Variants in ERBB4 observed in about 807,000 individuals in gnomAD.
ERBB4 encodes the protein receptor tyrosine-protein kinase erbB-4.
A neutral mutation model predicts 158.0 loss-of-function variants in ERBB4; 42 were observed. That is an observed-to-expected ratio of 0.27 (90% CI 0.21 to 0.34). The LOEUF (loss-of-function observed/expected upper bound fraction) is 0.34. ERBB4 is among the 10% of genes least tolerant of loss of function. The pLI is 1.00. For missense variants in ERBB4, 1,333 were observed against 1,624.1 expected (o/e 0.82, Z 3.08); for synonymous variants, 583 against 558.7 (o/e 1.04, Z -0.61).
At chr2:212,023,243 ATTACT>A (rs780149022) in intron 2 of ERBB4, among the ~76,000 whole-genome samples, 74 of 152,226 alleles carry the variant, frequency 4.9e-4, no homozygotes, top group Middle Eastern at 3.4e-3. Context: ...AAACTTTGAA[ATTACT>A]TTACTACATA....
At chr2:211,435,993 G>C (rs112191894) in intron 20 of ERBB4, among the ~76,000 whole-genome samples, 2,130 of 151,836 alleles carry the variant, frequency 0.014, 53 homozygotes, top group African/African-American at 0.049. Flanking sequence ...GTCTAGCTCT[G>C]TCATCCAGGC....
intron 14 of ERBB4, among the ~76,000 whole-genome samples, chr2:211,665,871 C>A (rs1166008589): frequency 6.6e-6 from 1 of 152,076 alleles, no homozygotes; most frequent in Non-Finnish European, 1.5e-5. Flanking sequence ...TTATTTCTGG[C>A]AATATTATAG....
chr2:211,675,791 AT>A (rs1553607851), intron 13 of ERBB4, among the ~76,000 whole-genome samples: 1 of 100,372 alleles, frequency 1.0e-5, no homozygotes, highest in Non-Finnish European at 2.0e-5. Flanking sequence ...AAAATATAAT[AT>A]TATATATATA....
chr2:212,250,538 G>A (rs2084491549), intron 1 of ERBB4, among the ~76,000 whole-genome samples: 1 of 151,864 alleles, frequency 6.6e-6, no homozygotes, highest in Non-Finnish European at 1.5e-5. Flanking sequence ...ATTGAGTAAT[G>A]AAATTATATT....
chr2:212,054,861 C>G (rs1292958677), intron 2 of ERBB4, among the ~76,000 whole-genome samples: 1 of 152,156 alleles, frequency 6.6e-6, no homozygotes, highest in Non-Finnish European at 1.5e-5. Flanking sequence ...GAGTCTACAG[C>G]TCCCAGCGTG....
intron 15 of ERBB4, among the ~76,000 whole-genome samples, chr2:211,663,679 C>T (rs1377089124): frequency 1.3e-5 from 2 of 152,062 alleles, no homozygotes; most frequent in Non-Finnish European, 2.9e-5. Context: ...TGTGATCTCA[C>T]TTTCATTTCT....
intron 3 of ERBB4, among the ~76,000 whole-genome samples, chr2:211,823,414 G>A (rs1417815753): frequency 6.6e-6 from 1 of 151,754 alleles, no homozygotes; most frequent in African/African-American, 2.4e-5. Context: ...ATCTCTTAGA[G>A]ACAGAATTTT....
chr2:211,619,092 G>A (rs2069496703), intron 19 of ERBB4, 85 bp downstream of exon 19: 1 of 795,242 alleles, frequency 1.3e-6, no homozygotes, highest in South Asian at 1.4e-5. Flanking sequence ...GTAAGTTGTG[G>A]AGTTTGGTTT....
chr2:211,718,808 C>G (rs2074005099), intron 7 of ERBB4, among the ~76,000 whole-genome samples: 1 of 151,714 alleles, frequency 6.6e-6, no homozygotes, highest in African/African-American at 2.4e-5. Flanking sequence ...GTAGAATGAC[C>G]AGAATACCTC....
At chr2:212,101,616 C>T (rs1363675548) in intron 2 of ERBB4, among the ~76,000 whole-genome samples, 2 of 151,702 alleles carry the variant, frequency 1.3e-5, no homozygotes, top group East Asian at 3.9e-4. Flanking sequence ...AAGTTGAAAA[C>T]GCTCTTATCA....
At chr2:212,104,546 T>G (rs778000286) in intron 2 of ERBB4, among the ~76,000 whole-genome samples, 10 of 152,082 alleles carry the variant, frequency 6.6e-5, no homozygotes, top group Non-Finnish European at 1.5e-4. Context: ...ATTGGGTCAT[T>G]ACAACCAAAA....
At chr2:212,195,023 T>C (rs2082381965) in intron 1 of ERBB4, among the ~76,000 whole-genome samples, 1 of 152,050 alleles carries the variant, frequency 6.6e-6, no homozygotes, top group Admixed American at 6.6e-5. Flanking sequence ...ATTGCCCTCA[T>C]GCTACTTTGA....
rs79147713 is a variant in ERBB4, at chr2:211,934,782, T to C, written c.421+12648A>G. Among the ~76,000 whole-genome samples the C allele has an allele frequency of 9.8e-3, 1,495 of 152,026 alleles. 26 individuals carry two copies. The highest frequency in any genetic ancestry group is 0.034 in the African/African-American group (1,430 of 41,500). The stretch of plus-strand genomic sequence containing the variant: ...TATACTTTATTATTTTAGTTCCCTG[T>C]GTCTGTAGAAATAAGCTTAAGTAGC... On this transcript the variant is annotated intron_variant, in intron 3 of 27. Coordinates refer to ENST00000342788, the MANE Select transcript of ERBB4 (RefSeq NM_005235.3).
intron 1 of ERBB4, among the ~76,000 whole-genome samples, chr2:212,349,743 T>C (rs2135160): frequency 0.082 from 12,493 of 152,192 alleles, 612 homozygotes; most frequent in Middle Eastern, 0.12. Context: ...AGTTATCCCG[T>C]AGTAAAGCAA....
chr2:212,074,908 G>A (rs1204014591), intron 2 of ERBB4, among the ~76,000 whole-genome samples: 1 of 151,856 alleles, frequency 6.6e-6, no homozygotes, highest in Non-Finnish European at 1.5e-5. Context: ...TTTATACCTT[G>A]TTTAAAATTT....
chr2:211,604,384 G>C (rs564076490), intron 19 of ERBB4, among the ~76,000 whole-genome samples: 3 of 152,134 alleles, frequency 2.0e-5, no homozygotes, highest in African/African-American at 7.2e-5. Context: ...TTATGCCACT[G>C]TTCCTTATCA....
At chr2:212,016,382 T>C (rs2076530388) in intron 2 of ERBB4, among the ~76,000 whole-genome samples, 1 of 152,150 alleles carries the variant, frequency 6.6e-6, no homozygotes, top group Non-Finnish European at 1.5e-5. Context: ...CAATTCGAGA[T>C]AATCACTGTT....
chr2:211,855,584 T>C (rs574461926), intron 3 of ERBB4, among the ~76,000 whole-genome samples: 1 of 152,294 alleles, frequency 6.6e-6, no homozygotes, highest in African/African-American at 2.4e-5. Flanking sequence ...CTGGCCTTCA[T>C]CCACTTTTCT....
chr2:211,606,539 A>G (rs2068983371), intron 19 of ERBB4, among the ~76,000 whole-genome samples: 1 of 152,004 alleles, frequency 6.6e-6, no homozygotes, highest in Non-Finnish European at 1.5e-5. Context: ...GATATTATTT[A>G]TGGATCTCAA....
Sources: allele counts gnomAD v4.1 joint callset (sites outside exome capture counted in the v4.1 genomes callset), GRCh38; gene constraint gnomAD v4.1.1; transcripts MANE v1.5; gene names NCBI Gene and HGNC (gene_info 2026-07-23, HGNC 2026-07-21).